The following KCNN2 variants were observed in gnomAD, a reference collection of about 807,000 sequenced individuals.
KCNN2 encodes the protein potassium calcium-activated channel subfamily N member 2.
In KCNN2, 24 loss-of-function variants were observed where a neutral mutation model predicts 55.5. That is an observed-to-expected ratio of 0.43 (90% CI 0.31 to 0.61). The LOEUF (loss-of-function observed/expected upper bound fraction) is 0.61, where lower values mean the gene tolerates loss of function less well. KCNN2 is among the 20% of genes least tolerant of loss of function. The pLI is 0.08. For synonymous variants in KCNN2, 431 were observed against 336.1 expected (o/e 1.28, Z -3.09); for missense variants, 754 against 853.6 (o/e 0.88, Z 1.45).
intron 4 of KCNN2, among the ~76,000 whole-genome samples, chr5:114,470,663 ACAAAATAT>A (rs1409339676): frequency 1.3e-5 from 2 of 152,324 alleles, no homozygotes; most frequent in Admixed American, 1.3e-4. Flanking sequence ...TGCATATGGC[ACAAAATAT>A]CAAAATAACA....
intron 2 of KCNN2, among the ~76,000 whole-genome samples, chr5:114,302,041 GTCTATT>G (rs1178121671): frequency 6.6e-6 from 1 of 152,182 alleles, no homozygotes; most frequent in African/African-American, 2.4e-5. Context: ...TTGAGGAATA[GTCTATT>G]TCTACCATTT....
At chr5:114,149,662 T>A (rs551490665) in intron 1 of KCNN2, among the ~76,000 whole-genome samples, 3 of 152,162 alleles carry the variant, frequency 2.0e-5, no homozygotes, top group Non-Finnish European at 4.4e-5. Context: ...TATACAGAGA[T>A]TAGAATTTAA....
chr5:114,391,230 C>T (rs985398052), intron 2 of KCNN2, among the ~76,000 whole-genome samples: 14 of 152,066 alleles, frequency 9.2e-5, no homozygotes, highest in African/African-American at 3.1e-4. Context: ...CTAATTTTCC[C>T]ATCTTTATAT....
At chr5:114,066,771 G>C (rs1750461100) in intron 1 of KCNN2, among the ~76,000 whole-genome samples, 1 of 152,060 alleles carries the variant, frequency 6.6e-6, no homozygotes, top group Non-Finnish European at 1.5e-5. Flanking sequence ...AGTAGAGATG[G>C]GGTTTCATCA....
intron 6 of KCNN2, among the ~76,000 whole-genome samples, chr5:114,488,390 AT>A (rs1747679059): frequency 6.6e-6 from 1 of 152,166 alleles, no homozygotes; most frequent in South Asian, 2.1e-4. Context: ...GACTTGACAC[AT>A]CACTATGCTT....
intron 2 of KCNN2, among the ~76,000 whole-genome samples, chr5:114,353,685 CT>C (rs1363390679): frequency 6.6e-6 from 1 of 151,892 alleles, no homozygotes; most frequent in Non-Finnish European, 1.5e-5. Context: ...AACTATTTGT[CT>C]TCATGTTTGT....
chr5:114,159,939 C>T lies in KCNN2; in HGVS notation c.-270-61541C>T, dbSNP rs532485892. Among the ~76,000 whole-genome samples, 241 of 152,120 alleles carry T rather than the reference C, an allele frequency of 1.6e-3. 1 individual carries two copies. The highest frequency in any genetic ancestry group is 5.5e-3 in the African/African-American group (229 of 41,486). ...CTAGTGGTCTATCAATTTTGTTGAT[C>T]GTTTCAAAAAACCAGCTCCTGGATT... On this transcript the variant is annotated intron_variant, in intron 1 of 10. Transcript: ENST00000512097.
chr5:114,437,747 C>T (rs530233835), intron 3 of KCNN2, among the ~76,000 whole-genome samples: 16 of 152,252 alleles, frequency 1.1e-4, no homozygotes, highest in African/African-American at 3.9e-4. Flanking sequence ...AAAGGATCTT[C>T]ATTCTGGGAA....
chr5:114,097,326 T>C (rs774606545), intron 1 of KCNN2, among the ~76,000 whole-genome samples: 20 of 152,292 alleles, frequency 1.3e-4, no homozygotes, highest in Non-Finnish European at 2.4e-4. Context: ...ATCTGCAAGT[T>C]AGTTCCAGCA....
chr5:114,172,757 G>A (rs1753064373), intron 1 of KCNN2, among the ~76,000 whole-genome samples: 1 of 151,404 alleles, frequency 6.6e-6, no homozygotes, highest in South Asian at 2.1e-4. Context: ...TGTCTATTCA[G>A]ATCTTTTGCC....
intron 4 of KCNN2, among the ~76,000 whole-genome samples, chr5:114,469,666 G>A (rs1761626642): frequency 6.6e-6 from 1 of 152,094 alleles, no homozygotes; most frequent in South Asian, 2.1e-4. Flanking sequence ...TTCACTTTAT[G>A]AAACGGAATC....
chr5:114,149,626 C>T (rs1752474030), intron 1 of KCNN2, among the ~76,000 whole-genome samples: 1 of 150,020 alleles, frequency 6.7e-6, no homozygotes, highest in Non-Finnish European at 1.5e-5. Flanking sequence ...AATTCTTTAA[C>T]ATAACATCTG....
At chr5:114,075,389 G>A (rs1245593684) in intron 1 of KCNN2, among the ~76,000 whole-genome samples, 1 of 152,150 alleles carries the variant, frequency 6.6e-6, no homozygotes, top group Non-Finnish European at 1.5e-5. Flanking sequence ...GGTTAAATGA[G>A]GCTGATAATT....
intron 2 of KCNN2, among the ~76,000 whole-genome samples, chr5:114,255,376 A>G (rs1477168239): frequency 1.3e-5 from 2 of 152,218 alleles, no homozygotes; most frequent in Non-Finnish European, 2.9e-5. Context: ...AATTTTCCAG[A>G]CGGATGAGGT....
chr5:114,172,274 T>C (rs1191529092), intron 1 of KCNN2, among the ~76,000 whole-genome samples: 3 of 151,956 alleles, frequency 2.0e-5, no homozygotes, highest in Non-Finnish European at 4.4e-5. Context: ...AAGCACTTAA[T>C]AAATATTAAC....
chr5:114,295,136 G>A (rs1755980428), intron 2 of KCNN2, among the ~76,000 whole-genome samples: 1 of 152,172 alleles, frequency 6.6e-6, no homozygotes, highest in Non-Finnish European at 1.5e-5. Flanking sequence ...TCCCAGTTAG[G>A]CTGCTCAGGG....
At chr5:114,371,085 T>A (rs967651685) in intron 2 of KCNN2, among the ~76,000 whole-genome samples, 2 of 152,092 alleles carry the variant, frequency 1.3e-5, no homozygotes, top group Non-Finnish European at 1.5e-5. Context: ...ATGTGGCAGG[T>A]AAGGGCAAGG....
intron 1 of KCNN2, among the ~76,000 whole-genome samples, chr5:114,165,393 G>T (rs568404549): frequency 1.7e-4 from 26 of 152,136 alleles, no homozygotes; most frequent in African/African-American, 6.0e-4. Context: ...TATGATTTTC[G>T]TTTTTTCAGA....
At chr5:114,114,278 T>C (rs1452767002) in intron 1 of KCNN2, among the ~76,000 whole-genome samples, 1 of 152,102 alleles carries the variant, frequency 6.6e-6, no homozygotes, top group Non-Finnish European at 1.5e-5. Flanking sequence ...TCCCAGGCTG[T>C]AATGCAGTGC....
Sources: allele counts gnomAD v4.1 joint callset (sites outside exome capture counted in the v4.1 genomes callset), GRCh38; gene constraint gnomAD v4.1.1; transcripts MANE v1.5; gene names NCBI Gene and HGNC (gene_info 2026-07-23, HGNC 2026-07-21).